Variants in SLC1A3 observed in about 807,000 individuals in gnomAD.
SLC1A3 encodes solute carrier family 1 member 3, also known as excitatory amino acid transporter 1.
SLC1A3 carries 21 observed loss-of-function variants against 48.1 expected under a neutral mutation model. The ratio of observed to expected loss-of-function variants is 0.44; its 90% confidence interval spans 0.31 to 0.63. The LOEUF (loss-of-function observed/expected upper bound fraction) is 0.63, where lower values mean the gene tolerates loss of function less well. Among genes scored for constraint, SLC1A3 ranks in the 20% least tolerant of loss-of-function variants. The pLI is 0.08. For synonymous variants in SLC1A3, 239 were observed against 251.4 expected, an observed-to-expected ratio of 0.95 and a Z score of 0.47; for missense variants, 546 against 689.0, an observed-to-expected ratio of 0.79 and a Z score of 2.32.
At chr5:36,632,891 T>C (rs1370829100) in intron 3 of SLC1A3, among the ~76,000 whole-genome samples, 1 of 152,222 alleles carries the variant, frequency 6.6e-6, no homozygotes, top group Admixed American at 6.5e-5. Context: ...GAAACTCCAA[T>C]CTTTCCAAAC....
intron 3 of SLC1A3, among the ~76,000 whole-genome samples, chr5:36,655,935 C>T (rs1741266783): frequency 6.6e-6 from 1 of 152,210 alleles, no homozygotes. Flanking sequence ...ACAGGGTTTA[C>T]TTAGCCTGGA....
chr5:36,612,482 G>A (rs1457142128), intron 2 of SLC1A3, among the ~76,000 whole-genome samples: 1 of 151,918 alleles, frequency 6.6e-6, no homozygotes, highest in African/African-American at 2.4e-5. Flanking sequence ...CTACTTGGGG[G>A]GGCTGAAGTG....
chr5:36,608,567 T>G lies in SLC1A3; in HGVS notation c.144T>G (p.Asn48Lys). ...KEDVKSYLFR[N>K]AFVLLTVTAV... is the part of the protein sequence containing the mutation. ...ATGTTAAAAGTTACCTGTTTCGGAA[T>G]GCTTTTGTGCTGCTCACAGTCACCG... The change falls in exon 2 of 10, where the codon AAT becomes AAG. Residue 48 changes from asparagine to lysine, a missense_variant. By Grantham distance (94) the Asn-to-Lys change is moderately conservative. Coordinates refer to ENST00000265113, the MANE Select transcript of SLC1A3 (RefSeq NM_004172.5). 6.2e-7 allele frequency: 1 copy of G among 1,614,066 alleles called. No homozygotes were observed. The highest frequency in any genetic ancestry group is 8.5e-7 in the Non-Finnish European group (1 of 1,179,918).
At chr5:36,664,254 C>T (rs1741641017) in intron 3 of SLC1A3, among the ~76,000 whole-genome samples, 1 of 152,204 alleles carries the variant, frequency 6.6e-6, no homozygotes, top group Admixed American at 6.5e-5. Flanking sequence ...CTGCCTCAGC[C>T]TCCCAACTAG....
At chr5:36,654,441 G>A (rs997322527) in intron 3 of SLC1A3, among the ~76,000 whole-genome samples, 10 of 152,044 alleles carry the variant, frequency 6.6e-5, no homozygotes, top group South Asian at 4.1e-4. Flanking sequence ...CCCCCCATTC[G>A]AAAGTTATTC....
chr5:36,624,526 A>G (rs1318429442), intron 2 of SLC1A3, among the ~76,000 whole-genome samples: 1 of 152,204 alleles, frequency 6.6e-6, no homozygotes, highest in Admixed American at 6.5e-5. Flanking sequence ...CTGATTCCTC[A>G]TCTGTGAGAT....
intron 3 of SLC1A3, chr5:36,666,347 T>A (rs1741746962): frequency 6.6e-6 from 1 of 152,234 alleles, no homozygotes; most frequent in South Asian, 2.1e-4. Flanking sequence ...CAGGCGTCTT[T>A]CATTAGATGC....
chr5:36,619,068 G>T lies in SLC1A3; in HGVS notation c.182-10382G>T, dbSNP rs183280893. The stretch of plus-strand genomic sequence containing the variant: ...TCTACTTGGTCATCAGTCACCCAGG[G>T]CTCTCTCATTTGGGCACCCCTGGTG... On this transcript the variant is annotated intron_variant, in intron 2 of 9. Coordinates refer to ENST00000265113, the MANE Select transcript of SLC1A3 (RefSeq NM_004172.5). Among the ~76,000 whole-genome samples, 15 of 152,246 alleles carry T rather than the reference G, an allele frequency of 9.9e-5. 1 individual carries two copies. Among genetic ancestry groups the T allele is most frequent in the African/African-American group, 3.6e-4 (15 of 41,546 alleles).
intron 3 of SLC1A3, among the ~76,000 whole-genome samples, chr5:36,665,810 ACTGT>A (rs1741717455): frequency 6.6e-6 from 1 of 152,176 alleles, no homozygotes; most frequent in Non-Finnish European, 1.5e-5. Context: ...CCACTGTGCC[ACTGT>A]CTCTTAGATT....
At chr5:36,685,258 C>T (rs1445795121) in intron 9 of SLC1A3, among the ~76,000 whole-genome samples, 1 of 152,036 alleles carries the variant, frequency 6.6e-6, no homozygotes, top group Non-Finnish European at 1.5e-5. Context: ...ACAACCATTT[C>T]GACCCCAAAA....
chr5:36,665,215 G>A (rs191625499), intron 3 of SLC1A3, among the ~76,000 whole-genome samples: 3 of 127,746 alleles, frequency 2.3e-5, no homozygotes, highest in African/African-American at 8.0e-5. Context: ...CAATCTAAGT[G>A]TTAGAAAAAA....
chr5:36,685,025 A>C (rs1742588651), intron 9 of SLC1A3, among the ~76,000 whole-genome samples: 1 of 152,212 alleles, frequency 6.6e-6, no homozygotes, highest in South Asian at 2.1e-4. Context: ...TGATCTTTAC[A>C]CTTCAAAATT....
intron 3 of SLC1A3, among the ~76,000 whole-genome samples, chr5:36,648,666 A>G (rs1740932099): frequency 6.6e-6 from 1 of 152,226 alleles, no homozygotes. Context: ...ATCCACATTC[A>G]AAAAGTGCAG....
intron 2 of SLC1A3, among the ~76,000 whole-genome samples, chr5:36,626,008 G>A (rs1739888889): frequency 6.6e-6 from 1 of 152,166 alleles, no homozygotes; most frequent in African/African-American, 2.4e-5. Flanking sequence ...CTGTTTGGCA[G>A]GTAAGAGACT....
intron 3 of SLC1A3, among the ~76,000 whole-genome samples, chr5:36,660,228 C>T (rs979151177): frequency 1.3e-5 from 2 of 152,154 alleles, no homozygotes; most frequent in Admixed American, 6.5e-5. Flanking sequence ...TCATGCAACT[C>T]AAGTCAACCA....
chr5:36,633,553 A>C (rs765719249), intron 3 of SLC1A3, among the ~76,000 whole-genome samples: 3 of 152,196 alleles, frequency 2.0e-5, no homozygotes, highest in Non-Finnish European at 2.9e-5. Context: ...CATGAACACA[A>C]AGATACAGTC....
At chr5:36,655,903 T>C (rs1187234595) in intron 3 of SLC1A3, among the ~76,000 whole-genome samples, 1 of 152,138 alleles carries the variant, frequency 6.6e-6, no homozygotes. Flanking sequence ...TTAAGATGAG[T>C]GCAAGTTAGA....
Position 36,608,614 on chromosome 5 carries a change from T to A in SLC1A3, c.181+10T>A. On this transcript the variant is annotated intron_variant, in intron 2 of 9. Coordinates refer to ENST00000265113, the MANE Select transcript of SLC1A3 (RefSeq NM_004172.5). The stretch of plus-strand genomic sequence containing the variant: ...ACCGCTGTCATTGTGGGTGAGTCAT[T>A]TGATTAAAAACAAAAAAACCTGTAT... 1 of 1,598,168 alleles carries A rather than the reference T, an allele frequency of 6.3e-7. No homozygotes were observed.
chr5:36,638,903 T>C (rs1334795445), intron 3 of SLC1A3: 1 of 152,182 alleles, frequency 6.6e-6, no homozygotes, highest in African/African-American at 2.4e-5. Flanking sequence ...CCTGACCTTG[T>C]GATCCACCCG....
Sources: allele counts gnomAD v4.1 joint callset (sites outside exome capture counted in the v4.1 genomes callset), GRCh38; gene constraint gnomAD v4.1.1; transcripts MANE v1.5; gene names NCBI Gene and HGNC (gene_info 2026-07-23, HGNC 2026-07-21).